The following CRIM1 variants were observed in gnomAD, a reference collection of about 807,000 sequenced individuals.
CRIM1 encodes the protein cysteine rich transmembrane BMP regulator 1, also known as cysteine-rich motor neuron 1 protein.
CRIM1 carries 32 observed loss-of-function variants against 116.4 expected under a neutral mutation model. That is an observed-to-expected ratio of 0.27 (90% CI 0.21 to 0.37). The LOEUF (loss-of-function observed/expected upper bound fraction) is 0.37, where lower values mean the gene tolerates loss of function less well. Among genes scored for constraint, CRIM1 ranks in the 10% least tolerant of loss-of-function variants. The pLI is 1.00. For synonymous variants in CRIM1, 590 were observed against 509.2 expected, an observed-to-expected ratio of 1.16 and a Z score of -2.13; for missense variants, 1,331 against 1,354.8, an observed-to-expected ratio of 0.98 and a Z score of 0.28.
chr2:36,383,533 G>A (rs759070362), intron 1 of CRIM1, among the ~76,000 whole-genome samples: 15 of 152,120 alleles, frequency 9.9e-5, no homozygotes, highest in South Asian at 4.2e-4. Flanking sequence ...TAGTTATGTC[G>A]TAGAGCAGTC....
chr2:36,380,039 C>G (rs1286138425), intron 1 of CRIM1, among the ~76,000 whole-genome samples: 1 of 152,116 alleles, frequency 6.6e-6, no homozygotes, highest in African/African-American at 2.4e-5. Flanking sequence ...GCATATGCTT[C>G]TTATGACTCT....
intron 2 of CRIM1, among the ~76,000 whole-genome samples, chr2:36,434,294 G>T (rs1368386502): frequency 6.6e-6 from 1 of 152,188 alleles, no homozygotes; most frequent in Non-Finnish European, 1.5e-5. Context: ...AAGTAATGAG[G>T]ATACGCTAAA....
intron 4 of CRIM1, among the ~76,000 whole-genome samples, chr2:36,459,920 G>A (rs1423631047): frequency 6.6e-6 from 1 of 152,196 alleles, no homozygotes; most frequent in Non-Finnish European, 1.5e-5. Flanking sequence ...GCCTGCCTGG[G>A]ATTGTCTGTG....
At chr2:36,527,507 A>G (rs941421452) in intron 13 of CRIM1, among the ~76,000 whole-genome samples, 2 of 152,088 alleles carry the variant, frequency 1.3e-5, no homozygotes, top group African/African-American at 4.8e-5. Context: ...CTGTCACTGT[A>G]TAGTGATCTT....
intron 4 of CRIM1, among the ~76,000 whole-genome samples, chr2:36,464,243 A>G (rs1572794366): frequency 1.3e-5 from 2 of 152,250 alleles, no homozygotes; most frequent in Non-Finnish European, 2.9e-5. Flanking sequence ...GTTACGCTCA[A>G]TACCAGTCTG....
At chr2:36,494,047 C>G (rs960313436) in intron 7 of CRIM1, among the ~76,000 whole-genome samples, 1 of 152,118 alleles carries the variant, frequency 6.6e-6, no homozygotes, top group Non-Finnish European at 1.5e-5. Flanking sequence ...ATAAAATAAA[C>G]TAACAAAAGG....
intron 7 of CRIM1, among the ~76,000 whole-genome samples, chr2:36,496,658 T>C (rs141029286): frequency 6.6e-6 from 1 of 152,344 alleles, no homozygotes; most frequent in Non-Finnish European, 1.5e-5. Flanking sequence ...AAACCTGTTA[T>C]GCTGAATATT....
chr2:36,487,559 T>TAAA (rs34362565), intron 7 of CRIM1, among the ~76,000 whole-genome samples: 31 of 145,656 alleles, frequency 2.1e-4, no homozygotes, highest in South Asian at 8.7e-4. Context: ...AAGTCTGGTT[T>TAAA]AAAAAAAAAA....
In CRIM1 at chr2:36,547,021, G is replaced by A. The variant is rs760942075; in HGVS notation, c.2784G>A (p.Arg928=). 6.2e-7 allele frequency: 1 copy of A among 1,612,430 alleles called. No individual in the cohort carries two copies. Among genetic ancestry groups the A allele is most frequent in the Non-Finnish European group, 8.5e-7 (1 of 1,178,972 alleles). ...TCCAGGTAGATTACAGAGATAACAG[G>A]CTGCACCCAAGTGAAGATTCTTCAC... is the stretch of plus-strand genomic sequence containing the variant. ...GHLQVDYRDN[R]LHPSEDSSLD... Residue 928 remains arginine (R), a synonymous_variant, in exon 16 of 17, where the codon AGG becomes AGA. Coordinates refer to ENST00000280527, the MANE Select transcript of CRIM1 (RefSeq NM_016441.3).
Position 36,356,734 on chromosome 2 carries a change from G to A in CRIM1, c.331+111G>A. On this transcript the variant is annotated intron_variant, in intron 1 of 16. Coordinates refer to ENST00000280527, the MANE Select transcript of CRIM1 (RefSeq NM_016441.3). The surrounding 1 kb of genome is among the most constrained non-coding windows in gnomAD (Gnocchi z 4.3). ...CTTTCTGGAGGAAAGAGGGCTCTGC[G>A]GGAAGAGGGGCGGCCGCCGCCCCCA... 1 of 1,095,524 alleles carries A rather than the reference G, an allele frequency of 9.1e-7. No individual in the cohort carries two copies. Among genetic ancestry groups the A allele is most frequent in the Non-Finnish European group, 1.3e-6 (1 of 783,742 alleles). 67.9% of individuals were successfully genotyped at this position (1,095,524 alleles called of 1,614,324 possible). A position where few individuals can be genotyped will look rare whatever the true frequency, so the allele number is the denominator to read the frequency against.
chr2:36,507,653 T>C (rs1472682552), intron 8 of CRIM1, among the ~76,000 whole-genome samples: 3 of 152,256 alleles, frequency 2.0e-5, no homozygotes, highest in Non-Finnish European at 4.4e-5. Context: ...TTCTAATGAA[T>C]GTCCTGTATT....
intron 14 of CRIM1, among the ~76,000 whole-genome samples, chr2:36,541,447 T>G (rs534743780): frequency 7.8e-4 from 118 of 152,254 alleles, no homozygotes; most frequent in African/African-American, 2.8e-3. Context: ...AAACTGAGGC[T>G]CAGGAAAGGT....
intron 6 of CRIM1, among the ~76,000 whole-genome samples, chr2:36,478,871 T>C (rs1172432998): frequency 1.3e-5 from 2 of 152,084 alleles, no homozygotes; most frequent in East Asian, 1.9e-4. Context: ...TGGCTACTTC[T>C]GTCTCCCACC....
intron 13 of CRIM1, among the ~76,000 whole-genome samples, chr2:36,523,229 A>T (rs1234197303): frequency 3.3e-5 from 5 of 152,314 alleles, no homozygotes; most frequent in Non-Finnish European, 7.4e-5. Flanking sequence ...CTGCCTTGAG[A>T]TCAACTAAAT....
intron 1 of CRIM1, among the ~76,000 whole-genome samples, chr2:36,381,360 C>T (rs1030288492): frequency 2.6e-5 from 4 of 152,298 alleles, no homozygotes; most frequent in African/African-American, 7.2e-5. Context: ...GCTGGCAGGG[C>T]AGGGAGCCGG....
At chr2:36,462,379 C>T (rs1677649665) in intron 4 of CRIM1, among the ~76,000 whole-genome samples, 1 of 152,050 alleles carries the variant, frequency 6.6e-6, no homozygotes, top group Non-Finnish European at 1.5e-5. Context: ...ATTTTTTAAA[C>T]AAATGTTGGG....
chr2:36,534,177 A>AGG (rs1666325054), intron 13 of CRIM1, among the ~76,000 whole-genome samples: 1 of 112,294 alleles, frequency 8.9e-6, no homozygotes, highest in African/African-American at 3.5e-5. Flanking sequence ...GGAAGGAAGG[A>AGG]GGGAGTGGGA....
Position 36,469,704 on chromosome 2 carries a change from G to A in CRIM1, c.991+5049G>A, listed in dbSNP as rs1030810745. 5.9e-5 allele frequency among the ~76,000 whole-genome samples: 9 copies of A among 152,084 alleles called. No individual in the cohort carries two copies. In the South Asian group the frequency reaches 1.9e-3, roughly 32 times the overall value. ...AACCCACTGTCTATATAGCAATTAT[G>A]CTCATAATGTTTCTAAGGACGTAAT... On this transcript the variant is annotated intron_variant, in intron 5 of 16. Coordinates refer to ENST00000280527, the MANE Select transcript of CRIM1 (RefSeq NM_016441.3).
At chr2:36,492,844 C>T (rs1680324793) in intron 7 of CRIM1, among the ~76,000 whole-genome samples, 2 of 152,126 alleles carry the variant, frequency 1.3e-5, no homozygotes, top group South Asian at 4.1e-4. Context: ...CCCCCTCCAA[C>T]CCCCCAATCC....
Sources: allele counts gnomAD v4.1 joint callset (sites outside exome capture counted in the v4.1 genomes callset), GRCh38; gene constraint gnomAD v4.1.1; non-coding constraint Gnocchi (gnomAD v3.1); transcripts MANE v1.5; gene names NCBI Gene and HGNC (gene_info 2026-07-23, HGNC 2026-07-21).